The following NRXN2 variants were observed in gnomAD, a reference collection of about 807,000 sequenced individuals.
NRXN2 encodes the protein neurexin 2.
In NRXN2, 29 loss-of-function variants were observed where a neutral mutation model predicts 128.8. The observed-to-expected ratio is 0.23, with a 90% confidence interval of 0.17 to 0.31. NRXN2 has a LOEUF of 0.31. Among genes scored for constraint, NRXN2 ranks in the 10% least tolerant of loss-of-function variants. The pLI, the probability that NRXN2 is intolerant of heterozygous loss-of-function variation, is 1.00. For synonymous variants in NRXN2, 1,098 were observed against 1,075.2 expected (o/e 1.02, Z -0.41); for missense variants, 1,881 against 2,452.6 (o/e 0.77, Z 4.92).
At chr11:64,692,182 C>A (rs1317190626) in intron 4 of NRXN2, among the ~76,000 whole-genome samples, 2 of 152,232 alleles carry the variant, frequency 1.3e-5, no homozygotes, top group Non-Finnish European at 2.9e-5. Flanking sequence ...CAAGTCATTT[C>A]ATCTCTCTGG....
Position 64,651,207 on chromosome 11 carries a change from G to C in NRXN2, c.2918+48C>G, listed in dbSNP as rs762361500. The C allele has an allele frequency of 6.2e-7, 1 of 1,611,656 alleles. No homozygotes were observed. Among genetic ancestry groups the C allele is most frequent in the Non-Finnish European group, 8.5e-7 (1 of 1,179,506 alleles). ...AGGAGAGCTGTATGTGGTTCAGCAG[G>C]GGGAGGGGGCCACCTCCTTGACAGC... is the stretch of plus-strand genomic sequence containing the variant. On this transcript the variant is annotated intron_variant, in intron 14 of 22. Transcript: ENST00000265459. The surrounding 1 kb of genome is among the most constrained non-coding windows in gnomAD (Gnocchi z 5.9).
intron 3 of NRXN2, among the ~76,000 whole-genome samples, chr11:64,695,747 G>T (rs565314810): frequency 5.3e-5 from 8 of 151,064 alleles, no homozygotes; most frequent in African/African-American, 1.9e-4. Flanking sequence ...CACACACACA[G>T]CCTCCAATAC....
chr11:64,615,993 T>C (rs1487325910), intron 22 of NRXN2, among the ~76,000 whole-genome samples: 3 of 152,226 alleles, frequency 2.0e-5, no homozygotes, highest in Admixed American at 2.0e-4. Context: ...CGTGTGTGTG[T>C]GTGTGTACAC....
At chr11:64,707,961 T>A (rs1047999580) in intron 2 of NRXN2, among the ~76,000 whole-genome samples, 20 of 152,094 alleles carry the variant, frequency 1.3e-4, no homozygotes, top group Non-Finnish European at 7.4e-5. Flanking sequence ...GGCGTGGTGG[T>A]GCATGCCTAT....
At chr11:64,628,324 C>T (rs2043372778) in intron 19 of NRXN2, among the ~76,000 whole-genome samples, 1 of 152,172 alleles carries the variant, frequency 6.6e-6, no homozygotes, top group Non-Finnish European at 1.5e-5. Flanking sequence ...CCAGGTTCTT[C>T]TGACTCAGAA....
chr11:64,691,686 T>C (rs773456096), intron 4 of NRXN2, among the ~76,000 whole-genome samples: 2 of 152,142 alleles, frequency 1.3e-5, no homozygotes, highest in Non-Finnish European at 2.9e-5. Flanking sequence ...GCAAGAAGGA[T>C]GTGAGTGAAC....
In NRXN2 at chr11:64,648,957, C is replaced by A; in HGVS notation, c.3110-50G>T. ...GGCATCCAGGTCCCCATTCCCATCC[C>A]AAGACAATGGCATCTGGCTGTCAGG... On this transcript the variant is annotated intron_variant, in intron 15 of 22. Coordinates refer to ENST00000265459, the MANE Select transcript of NRXN2 (RefSeq NM_015080.4). The surrounding 1 kb of genome is among the most constrained non-coding windows in gnomAD (Gnocchi z 4.1). The A allele has an allele frequency of 6.3e-7, 1 of 1,594,598 alleles. No individual in the cohort carries two copies. The highest frequency in any genetic ancestry group is 1.1e-5 in the South Asian group (1 of 90,590).
chr11:64,655,546 A>G (rs1489325622), intron 11 of NRXN2, among the ~76,000 whole-genome samples: 1 of 152,056 alleles, frequency 6.6e-6, no homozygotes, highest in Non-Finnish European at 1.5e-5. Flanking sequence ...TGAAGGGTCC[A>G]AAAAAAGAAA....
At position 64,700,153 on chromosome 11, in the gene NRXN2, TTCTCCTCGC is replaced by T. The variant is rs1335623797; in HGVS notation, c.731-2370_731-2362del. On this transcript the variant is annotated intron_variant, in intron 2 of 22. Coordinates refer to ENST00000265459, the MANE Select transcript of NRXN2 (RefSeq NM_015080.4). ...CCCCTGCCCTCCACATTCCTCTTAC[TTCTCCTCGC>T]TCTCCTCAGTGATGGCTCATTTTCG... Among the ~76,000 whole-genome samples the T allele has an allele frequency of 2.0e-5, 3 of 152,158 alleles. No individual in the cohort carries two copies. The South Asian group carries it at 6.2e-4, about 32-fold the overall frequency.
At chr11:64,674,898 T>TA (rs1195034059) in intron 7 of NRXN2, among the ~76,000 whole-genome samples, 5 of 152,244 alleles carry the variant, frequency 3.3e-5, no homozygotes, top group African/African-American at 1.2e-4. Context: ...AATGCAGGTA[T>TA]ACTACCACTA....
Position 64,687,762 on chromosome 11 carries a change from G to T in NRXN2, c.851-1815C>A, listed in dbSNP as rs543181784. Among the ~76,000 whole-genome samples, 50 of 152,308 alleles carry T rather than the reference G, an allele frequency of 3.3e-4. 1 individual carries two copies. In the South Asian group the frequency reaches 7.9e-3, roughly 24 times the overall value. The stretch of plus-strand genomic sequence containing the variant: ...TGAGGGAGCAAGAAGGGATGAGCGC[G>T]GCTATCTGGATAAAGAAAAGGAGCA... On this transcript the variant is annotated intron_variant, in intron 5 of 22. Coordinates refer to ENST00000265459, the MANE Select transcript of NRXN2 (RefSeq NM_015080.4).
At chr11:64,716,789 T>TC (rs1327085950) in intron 1 of NRXN2, among the ~76,000 whole-genome samples, 2 of 152,002 alleles carry the variant, frequency 1.3e-5, no homozygotes, top group Non-Finnish European at 2.9e-5. Context: ...GAGTCCTCTC[T>TC]CCCCCGGGAT....
intron 7 of NRXN2, among the ~76,000 whole-genome samples, chr11:64,670,307 C>G (rs1309163860): frequency 1.3e-5 from 2 of 152,128 alleles, no homozygotes. Context: ...TTTATTTCTT[C>G]TTCCCTCCAC....
In NRXN2 at chr11:64,606,466, C is replaced by CA. The variant is rs1325220373; in HGVS notation, c.*729dup. ...CTCCCACCCCCCACCCCTGCTCCTC[C>CA]AGCAGCTTCCCCATCAATGCACGTC... On this transcript the variant is annotated 3_prime_UTR_variant, in exon 23 of 23. Coordinates refer to ENST00000265459, the MANE Select transcript of NRXN2 (RefSeq NM_015080.4). 1 of 131,972 alleles carries CA rather than the reference C, an allele frequency of 7.6e-6. No individual in the cohort carries two copies. The highest frequency in any genetic ancestry group is 1.6e-5 in the Non-Finnish European group (1 of 62,666). 8.2% of individuals were successfully genotyped at this position (131,972 alleles called of 1,614,324 possible).
At chr11:64,634,227 T>G (rs1289260070) in intron 18 of NRXN2, among the ~76,000 whole-genome samples, 1 of 152,168 alleles carries the variant, frequency 6.6e-6, no homozygotes, top group Non-Finnish European at 1.5e-5. Flanking sequence ...ACAGGGGTCC[T>G]GGCCAGGGTG....
chr11:64,668,673 G>C (rs2135513879), intron 7 of NRXN2, 69 bp from the exon 8 acceptor site: 1 of 1,582,668 alleles, frequency 6.3e-7, no homozygotes, highest in South Asian at 1.1e-5. Flanking sequence ...AAGAGCTACG[G>C]CTAGGCAAAG....
intron 17 of NRXN2, among the ~76,000 whole-genome samples, chr11:64,647,236 T>TGTGC (rs1491354565): frequency 6.7e-6 from 1 of 148,794 alleles, no homozygotes; most frequent in African/African-American, 2.5e-5. Context: ...TGTGTGTGTG[T>TGTGC]GCATGTGTGT....
At chr11:64,669,432 G>A (rs557409330) in intron 7 of NRXN2, among the ~76,000 whole-genome samples, 1 of 151,844 alleles carries the variant, frequency 6.6e-6, no homozygotes, top group South Asian at 2.1e-4. Context: ...GTTACTCCAG[G>A]GAGTCAGGGC....
intron 5 of NRXN2, among the ~76,000 whole-genome samples, chr11:64,686,487 T>C (rs1179830292): frequency 6.6e-6 from 1 of 152,066 alleles, no homozygotes; most frequent in Non-Finnish European, 1.5e-5. Flanking sequence ...AATAGGCCTG[T>C]TGTGCAGCAA....
Sources: gnomAD v4.1 joint callset for allele counts (sites outside exome capture counted in the v4.1 genomes callset) on GRCh38, gnomAD v4.1.1 for gene constraint, Gnocchi (gnomAD v3.1) non-coding constraint, MANE v1.5 for transcripts, NCBI Gene and HGNC (gene_info 2026-07-23, HGNC 2026-07-21) for gene names.